ZNF547: variants seen among roughly 807,000 people sequenced by gnomAD.
The protein encoded by ZNF547 is zinc finger protein 547.
A neutral mutation model predicts 7.7 loss-of-function variants in ZNF547; 4 were observed. The ratio of observed to expected loss-of-function variants is 0.52; its 90% CI spans 0.26 to 1.20. ZNF547 has a LOEUF of 1.20. Among genes scored for constraint, ZNF547 ranks in the 50% most tolerant of loss-of-function variants. The pLI is 0.14. For missense variants in ZNF547, 449 were observed against 485.8 expected, an observed-to-expected ratio of 0.92 and a Z score of 0.71; for synonymous variants, 166 against 166.2, an observed-to-expected ratio of 1.00 and a Z score of 0.01.
intron 3 of ZNF547, among the ~76,000 whole-genome samples, chr19:57,376,230 C>G (rs553008633): frequency 6.6e-6 from 1 of 152,034 alleles, no homozygotes; most frequent in Non-Finnish European, 1.5e-5. Context: ...ATGGGGCAAC[C>G]GTCCCCATGA....
intron 3 of ZNF547, among the ~76,000 whole-genome samples, chr19:57,373,165 C>T (rs2088516490): frequency 6.6e-6 from 1 of 152,188 alleles, no homozygotes; most frequent in African/African-American, 2.4e-5. Flanking sequence ...AGGAAACTTA[C>T]AGTCATGGCG....
chr19:57,373,209 G>C (rs1309458013), intron 3 of ZNF547, among the ~76,000 whole-genome samples: 1 of 152,146 alleles, frequency 6.6e-6, no homozygotes, highest in East Asian at 1.9e-4. Context: ...CTTCTTCACA[G>C]GGCGGCAAGA....
At chr19:57,367,524 A>G (rs915854466) in intron 1 of ZNF547, among the ~76,000 whole-genome samples, 1 of 151,784 alleles carries the variant, frequency 6.6e-6, no homozygotes, top group Admixed American at 6.6e-5. Context: ...CCTGCAAGCT[A>G]TGTGGTGAGG....
chr19:57,376,334 C>T (rs531122347), intron 3 of ZNF547, among the ~76,000 whole-genome samples: 11 of 152,202 alleles, frequency 7.2e-5, no homozygotes, highest in South Asian at 2.1e-4. Flanking sequence ...AGAGCCTAAC[C>T]ATATTGTTTC....
At position 57,363,679 on chromosome 19, in the gene ZNF547, C is replaced by G. The variant is rs2088438019; in HGVS notation, c.-37C>G. ...CCCCTCTCTTCCCTGGCTGGACTTG[C>G]GGAGTCCCCGCCGAAGAACCCGAGG... On this transcript the variant is annotated 5_prime_UTR_variant, in exon 1 of 4. Transcript: ENST00000282282. 1 of 153,058 alleles carries G rather than the reference C, an allele frequency of 6.5e-6. No individual in the cohort carries two copies. Among genetic ancestry groups the G allele is most frequent in the Non-Finnish European group, 1.5e-5 (1 of 68,292 alleles). 9.5% of individuals were successfully genotyped at this position (153,058 alleles called of 1,614,324 possible). A position where few individuals can be genotyped will look rare whatever the true frequency, so the allele number is the denominator to read the frequency against.
chr19:57,376,388 A>G (rs2088536562), intron 3 of ZNF547, among the ~76,000 whole-genome samples: 1 of 152,150 alleles, frequency 6.6e-6, no homozygotes, highest in African/African-American at 2.4e-5. Context: ...GCAGCCCAAT[A>G]ATGAGATGCA....
Position 57,377,286 on chromosome 19 carries a change from G to A in ZNF547, c.310G>A (p.Glu104Lys), listed in dbSNP as rs889601366. 5.0e-6 allele frequency: 8 copies of A among 1,614,110 alleles called. No individual in the cohort carries two copies. The Admixed American group carries it at 8.3e-5, about 17-fold the overall frequency. The change falls in exon 4 of 4, where the codon GAG (glutamate) becomes AAG (lysine). Residue 104 changes from glutamate (E) to lysine (K), a missense_variant. By Grantham distance (56) the Glu-to-Lys change is moderately conservative (BLOSUM62 1). Transcript: ENST00000282282. ...SLLKDILRLAEHDGTHPEQGL... is the reference protein window; with the variant it reads ...SLLKDILRLAKHDGTHPEQGL... ...TCTGAAGGACATTCTGCGTCTGGCT[G>A]AGCATGACGGAACACACCCCGAGCA... is the stretch of plus-strand genomic sequence containing the variant.
At chr19:57,363,780 C>G (rs1396377859) in intron 1 of ZNF547, 77 bp downstream of exon 1, 1 of 149,630 alleles carries the variant, frequency 6.7e-6, no homozygotes, top group East Asian at 2.0e-4. Flanking sequence ...AGAAGGGGCC[C>G]TGCAGGTCAG....
intron 1 of ZNF547, among the ~76,000 whole-genome samples, chr19:57,367,752 T>C (rs1026961449): frequency 3.3e-5 from 5 of 152,174 alleles, no homozygotes; most frequent in African/African-American, 1.2e-4. Context: ...GGGCCACTCT[T>C]TGTGGGAAAA....
rs1231118128 is a variant in ZNF547 at position 57,364,680 on chromosome 19, G to T, written c.-13+977G>T. On this transcript the variant is annotated intron_variant, in intron 1 of 3. Coordinates refer to ENST00000282282, the MANE Select transcript of ZNF547 (RefSeq NM_173631.4). The stretch of plus-strand genomic sequence containing the variant: ...TGCCTGAACCCAGGAGGTGGAGATT[G>T]CAGTGAGCCAAGATCGCGCCATTGC... The T allele has an allele frequency of 7.6e-6, 5 of 660,008 alleles. No homozygotes were observed. The East Asian group carries it at 1.4e-4, about 18-fold the overall frequency. The allele number at this position is 660,008 out of a possible 1,614,324, so 40.9% of individuals were successfully genotyped here.
rs200431710 is a variant in ZNF547 at position 57,377,585 on chromosome 19, G to A, written c.609G>A (p.Gln203=). The part of the protein sequence containing the change: ...FMERSTLNRH[Q]RTHTGERPYE... ...AAAGGTCCACACTCAATAGACATCA[G>A]AGAACTCACACTGGAGAAAGGCCTT... The change falls in exon 4 of 4, where the codon CAG becomes CAA. Residue 203 remains glutamine (Q), a synonymous_variant. Transcript: ENST00000282282. The A allele has an allele frequency of 4.6e-4, 744 of 1,614,210 alleles. 9 individuals are homozygous for A. The South Asian group carries it at 7.8e-3, about 17-fold the overall frequency.
intron 1 of ZNF547, among the ~76,000 whole-genome samples, chr19:57,366,122 C>G (rs547196603): frequency 2.0e-5 from 3 of 152,236 alleles, no homozygotes; most frequent in African/African-American, 7.2e-5. Context: ...CTCGGCCTCC[C>G]AAAGTGCTGG....
Position 57,377,604 on chromosome 19 carries a change from A to C in ZNF547, c.628A>C (p.Arg210=), listed in dbSNP as rs145983101. Reference sequence around the variant, plus strand: ...ACATCAGAGAACTCACACTGGAGAAAGGCCTTATGAGTGCAATGAATGTGG... The same window carrying C: ...ACATCAGAGAACTCACACTGGAGAACGGCCTTATGAGTGCAATGAATGTGG... ...NRHQRTHTGE[R]PYECNECGKA... Residue 210 remains arginine, a synonymous_variant, in exon 4 of 4, where the codon AGG becomes CGG. Coordinates refer to ENST00000282282, the MANE Select transcript of ZNF547 (RefSeq NM_173631.4). 3.2e-4 allele frequency: 516 copies of C among 1,614,086 alleles called. No homozygotes were observed. The highest frequency in any genetic ancestry group is 4.1e-4 in the Non-Finnish European group (479 of 1,180,038).
intron 2 of ZNF547, among the ~76,000 whole-genome samples, chr19:57,370,123 C>A (rs1395242837): frequency 1.3e-5 from 2 of 151,934 alleles, no homozygotes; most frequent in Non-Finnish European, 2.9e-5. Flanking sequence ...GATCTCCTGA[C>A]CTCGTGATCC....
intron 1 of ZNF547, 77 bp from the exon 2 acceptor site, chr19:57,368,467 G>GC (rs2088484380): frequency 4.2e-6 from 6 of 1,412,542 alleles, no homozygotes; most frequent in Non-Finnish European, 6.0e-6. Flanking sequence ...GGGTAAGGAA[G>GC]AAGAGATGGT....
chr19:57,368,521 T>G, intron 1 of ZNF547, 23 bp from the exon 2 acceptor site: 2 of 1,613,922 alleles, frequency 1.2e-6, no homozygotes, highest in Non-Finnish European at 8.5e-7. Flanking sequence ...TGCCCATTTC[T>G]CACGGTTTCC....
rs2088553157 is a variant in ZNF547 at position 57,378,390 on chromosome 19, T to C, written c.*205T>C. On this transcript the variant is annotated 3_prime_UTR_variant, in exon 4 of 4. Transcript: ENST00000282282. ...ACTCGGGACATTATTTTGGTTTGACTCTCATCTCATTAGACATTGGAGAGT... is the reference window on the plus strand; with the variant it reads ...ACTCGGGACATTATTTTGGTTTGACCCTCATCTCATTAGACATTGGAGAGT... 2 of 708,538 alleles carry C rather than the reference T, an allele frequency of 2.8e-6. No individual in the cohort carries two copies. The highest frequency in any genetic ancestry group is 1.7e-5 in the African/African-American group (1 of 57,694). The allele number at this position is 708,538 out of a possible 1,614,324, so 43.9% of individuals were successfully genotyped here.
chr19:57,375,281 T>C (rs1600078531), intron 3 of ZNF547, among the ~76,000 whole-genome samples: 1 of 150,502 alleles, frequency 6.6e-6, no homozygotes, highest in Middle Eastern at 3.4e-3. Context: ...ACCCAGGGGG[T>C]GGAAGTTGCA....
intron 3 of ZNF547, among the ~76,000 whole-genome samples, chr19:57,374,882 T>C (rs2088526835): frequency 6.6e-6 from 1 of 152,200 alleles, no homozygotes; most frequent in Non-Finnish European, 1.5e-5. Flanking sequence ...ATCAAGTCTC[T>C]AGGAAGTTCC....
Sources: gnomAD v4.1 joint callset for allele counts (sites outside exome capture counted in the v4.1 genomes callset) on GRCh38, gnomAD v4.1.1 for gene constraint, MANE v1.5 for transcripts, NCBI Gene and HGNC (gene_info 2026-07-23, HGNC 2026-07-21) for gene names.